PLPPR1: variants seen among roughly 807,000 people sequenced by gnomAD.
The protein encoded by PLPPR1 is phospholipid phosphatase related 1, also known as phospholipid phosphatase-related protein type 1.
Under a neutral mutation model 33.1 loss-of-function variants are expected in PLPPR1, and 10 were observed. The observed-to-expected ratio is 0.30, with a 90% CI of 0.19 to 0.51. The LOEUF (loss-of-function observed/expected upper bound fraction) is 0.51. Among genes scored for constraint, PLPPR1 ranks in the 20% least tolerant of loss-of-function variants. The pLI is 0.97. For synonymous variants in PLPPR1, 151 were observed against 151.0 expected, an observed-to-expected ratio of 1.00 and a Z score of 0.00; for missense variants, 304 against 408.1, an observed-to-expected ratio of 0.74 and a Z score of 2.20.
rs141366821 is a variant in PLPPR1, at chr9:101,062,789, TATC to T, written c.-46+33690_-46+33692del. Among the ~76,000 whole-genome samples, 2,454 of 152,224 alleles carry T rather than the reference TATC, an allele frequency of 0.016. 126 individuals carry two copies. The South Asian group carries it at 0.19, about 12-fold the overall frequency. ...AAGGCAAAAATAATAGGCTCTATGT[TATC>T]ATATGGTGTAAGTGCTTGTGTTGTC... is the stretch of plus-strand genomic sequence containing the variant. On this transcript the variant is annotated intron_variant, in intron 1 of 7. Coordinates refer to ENST00000374874, the MANE Select transcript of PLPPR1 (RefSeq NM_207299.2).
chr9:101,091,761 C>T (rs535584713), intron 1 of PLPPR1, among the ~76,000 whole-genome samples: 156 of 152,336 alleles, frequency 1.0e-3, no homozygotes, highest in African/African-American at 3.5e-3. Flanking sequence ...GCCTACCATA[C>T]CTTTCTTAGC....
intron 1 of PLPPR1, among the ~76,000 whole-genome samples, chr9:101,043,078 G>T (rs1203354074): frequency 6.6e-6 from 1 of 151,854 alleles, no homozygotes; most frequent in Non-Finnish European, 1.5e-5. Flanking sequence ...TTCCCCCTGA[G>T]TCCCCAAAGT....
intron 2 of PLPPR1, among the ~76,000 whole-genome samples, chr9:101,223,954 A>T (rs114590687): frequency 6.6e-6 from 1 of 152,140 alleles, no homozygotes; most frequent in Non-Finnish European, 1.5e-5. Flanking sequence ...AAAATGTGTC[A>T]ACATTATGTA....
intron 1 of PLPPR1, among the ~76,000 whole-genome samples, chr9:101,149,616 A>G (rs1378869421): frequency 6.6e-6 from 1 of 152,152 alleles, no homozygotes; most frequent in African/African-American, 2.4e-5. Flanking sequence ...ATGGTTTTTC[A>G]TTGTATTCTA....
intron 1 of PLPPR1, among the ~76,000 whole-genome samples, chr9:101,057,560 T>C (rs1026633583): frequency 6.6e-6 from 1 of 152,192 alleles, no homozygotes; most frequent in Non-Finnish European, 1.5e-5. Context: ...CCTCATTTAA[T>C]AACTACTGCC....
At chr9:101,259,187 T>C (rs553898258) in intron 2 of PLPPR1, among the ~76,000 whole-genome samples, 1 of 152,152 alleles carries the variant, frequency 6.6e-6, no homozygotes, top group East Asian at 1.9e-4. Flanking sequence ...AGTATTTGTA[T>C]TTATTCTTCA....
At chr9:101,274,865 G>A (rs1828160615) in intron 3 of PLPPR1, among the ~76,000 whole-genome samples, 1 of 152,136 alleles carries the variant, frequency 6.6e-6, no homozygotes, top group Non-Finnish European at 1.5e-5. Flanking sequence ...TCCTTCTGTG[G>A]GTTCAGTTTC....
intron 7 of PLPPR1, among the ~76,000 whole-genome samples, chr9:101,323,446 G>C (rs1829192014): frequency 1.4e-5 from 2 of 147,962 alleles, no homozygotes; most frequent in Non-Finnish European, 3.0e-5. Context: ...ACTCCAGCCT[G>C]GGTGACAGAG....
intron 1 of PLPPR1, among the ~76,000 whole-genome samples, chr9:101,075,198 T>A (rs536617197): frequency 1.3e-5 from 2 of 152,324 alleles, no homozygotes; most frequent in African/African-American, 4.8e-5. Context: ...TTTCCTTGTA[T>A]GGATTTTCAG....
chr9:101,143,139 A>C (rs558931536), intron 1 of PLPPR1, among the ~76,000 whole-genome samples: 37 of 152,228 alleles, frequency 2.4e-4, no homozygotes, highest in African/African-American at 8.4e-4. Context: ...ACAACTCCAT[A>C]TTAATGCCAG....
At chr9:101,189,733 C>T (rs1321753972) in intron 2 of PLPPR1, among the ~76,000 whole-genome samples, 4 of 152,138 alleles carry the variant, frequency 2.6e-5, no homozygotes, top group Non-Finnish European at 5.9e-5. Flanking sequence ...CACTCCATCT[C>T]TTAGCCCATC....
At chr9:101,309,128 C>T in intron 4 of PLPPR1, 83 bp from the exon 5 acceptor site, 3 of 1,406,554 alleles carry the variant, frequency 2.1e-6, no homozygotes, top group Non-Finnish European at 3.0e-6. Flanking sequence ...TCATCATGGA[C>T]TCTCACCGCT....
At chr9:101,169,713 T>C (rs1343915205) in intron 1 of PLPPR1, among the ~76,000 whole-genome samples, 3 of 152,170 alleles carry the variant, frequency 2.0e-5, no homozygotes, top group African/African-American at 7.2e-5. Context: ...TCAAGGTATA[T>C]ATCTTTTTAA....
intron 2 of PLPPR1, among the ~76,000 whole-genome samples, chr9:101,221,942 T>A (rs116580207): frequency 7.7e-4 from 117 of 152,302 alleles, no homozygotes; most frequent in African/African-American, 2.7e-3. Context: ...GAAAAAGAAA[T>A]TCCTTGTATA....
At chr9:101,259,854 C>T (rs899609714) in intron 2 of PLPPR1, among the ~76,000 whole-genome samples, 3 of 152,068 alleles carry the variant, frequency 2.0e-5, no homozygotes, top group South Asian at 2.1e-4. Flanking sequence ...TTAGCCTTTC[C>T]AGAGGAAGCA....
intron 2 of PLPPR1, among the ~76,000 whole-genome samples, chr9:101,223,953 C>A (rs1253686207): frequency 6.6e-6 from 1 of 151,974 alleles, no homozygotes; most frequent in Non-Finnish European, 1.5e-5. Context: ...TAAAATGTGT[C>A]AACATTATGT....
chr9:101,279,602 A>G (rs888331226), intron 3 of PLPPR1, among the ~76,000 whole-genome samples: 6 of 152,236 alleles, frequency 3.9e-5, no homozygotes, highest in African/African-American at 1.4e-4. Flanking sequence ...AATTCAAAAA[A>G]TAGTCATATC....
chr9:101,180,139 TATATACAC>T (rs200508341), intron 1 of PLPPR1, among the ~76,000 whole-genome samples: 2,667 of 34,408 alleles, frequency 0.078, 21 homozygotes, highest in Non-Finnish European at 0.095. Context: ...TATATATATA[TATATACAC>T]ACACACACAC....
chr9:101,161,105 A>T (rs553555035), intron 1 of PLPPR1, among the ~76,000 whole-genome samples: 2 of 152,314 alleles, frequency 1.3e-5, no homozygotes, highest in East Asian at 3.9e-4. Flanking sequence ...GAGGTTCCTA[A>T]AAGTCATTTC....
Sources: gnomAD v4.1 joint callset for allele counts (sites outside exome capture counted in the v4.1 genomes callset) on GRCh38, gnomAD v4.1.1 for gene constraint, MANE v1.5 for transcripts, NCBI Gene and HGNC (gene_info 2026-07-23, HGNC 2026-07-21) for gene names.